Variants in ADAM2 observed in about 807,000 individuals in gnomAD.
ADAM2 encodes the protein ADAM metallopeptidase domain 2.
Under a neutral mutation model 99.3 loss-of-function variants are expected in ADAM2, and 101 were observed. The ratio of observed to expected loss-of-function variants is 1.02; its 90% CI spans 0.87 to 1.20. The LOEUF is 1.20. Among genes scored for constraint, ADAM2 ranks in the 50% most tolerant of loss-of-function variants. The pLI is 0.00. For synonymous variants in ADAM2, 323 were observed against 287.6 expected, an observed-to-expected ratio of 1.12 and a Z score of -1.25; for missense variants, 948 against 878.7, an observed-to-expected ratio of 1.08 and a Z score of -1.00.
intron 7 of ADAM2, among the ~76,000 whole-genome samples, chr8:39,795,325 A>C: frequency 6.6e-6 from 1 of 152,146 alleles, no homozygotes; most frequent in East Asian, 1.9e-4. Context: ...GACATGCCTC[A>C]GTATACCTCC....
intron 17 of ADAM2, 81 bp downstream of exon 17, chr8:39,749,586 C>CACGT: frequency 2.5e-6 from 3 of 1,214,826 alleles, no homozygotes; most frequent in East Asian, 2.5e-5. Context: ...TGTGTGTGTG[C>CACGT]GTGTGTGTGT....
chr8:39,794,308 T>C (rs1464165723), intron 7 of ADAM2, among the ~76,000 whole-genome samples: 1 of 152,202 alleles, frequency 6.6e-6, no homozygotes, highest in Admixed American at 6.6e-5. Context: ...TAAGTGTTTA[T>C]ATAAATGAAA....
At chr8:39,809,676 G>T (rs1195240405) in intron 6 of ADAM2, among the ~76,000 whole-genome samples, 3 of 151,516 alleles carry the variant, frequency 2.0e-5, no homozygotes, top group Admixed American at 6.6e-5. Context: ...ATTTACTTGG[G>T]AAACAACTTC....
chr8:39,762,166 C>T (rs1036117914), intron 14 of ADAM2, among the ~76,000 whole-genome samples: 3 of 152,218 alleles, frequency 2.0e-5, no homozygotes, highest in Non-Finnish European at 4.4e-5. Context: ...TTGATGGACT[C>T]GGTCAAAAAT....
chr8:39,835,502 GA>G (rs1244445824), intron 2 of ADAM2, among the ~76,000 whole-genome samples: 2 of 152,108 alleles, frequency 1.3e-5, no homozygotes, highest in Non-Finnish European at 2.9e-5. Flanking sequence ...GACCAACGGT[GA>G]AACCCCGTCT....
In ADAM2 at chr8:39,766,924, A is replaced by G. The variant is rs1563343576; in HGVS notation, c.1431T>C (p.Cys477=). The stretch of plus-strand genomic sequence containing the variant: ...CTATACAGATCCATTGATTCAGTCC[A>G]CACGGATGCCCAGTCTGAACATAGT... ...ENHYVQTGHP[C]GLNQWICIDG... is the part of the protein sequence containing the mutation. The change falls in exon 14 of 21, where the codon TGT becomes TGC. Residue 477 remains cysteine, a synonymous_variant. Transcript: ENST00000265708. 2.5e-6 allele frequency: 4 copies of G among 1,614,186 alleles called. No individual in the cohort carries two copies. Among genetic ancestry groups the G allele is most frequent in the East Asian group, 2.2e-5 (1 of 44,880 alleles).
chr8:39,750,533 T>G lies in ADAM2; in HGVS notation c.1798-789A>C, dbSNP rs189042535. On this transcript the variant is annotated intron_variant, in intron 16 of 20. Transcript: ENST00000265708. ...TAAAAGTAGGTTTTGGAAAAGAGAA[T>G]GGAAAGGGCAATAGCCTATAGATAC... 1.9e-4 allele frequency among the ~76,000 whole-genome samples: 29 copies of G among 152,190 alleles called. No individual in the cohort carries two copies. In the East Asian group the frequency reaches 5.6e-3, roughly 29 times the overall value.
At chr8:39,762,262 C>T (rs542476771) in intron 14 of ADAM2, among the ~76,000 whole-genome samples, 3 of 152,270 alleles carry the variant, frequency 2.0e-5, no homozygotes, top group South Asian at 4.2e-4. Context: ...ATCTCAGCTG[C>T]GACCCACAGA....
chr8:39,754,897 A>G lies in ADAM2; in HGVS notation c.1797+831T>C, dbSNP rs564818871. Among the ~76,000 whole-genome samples, 16 of 152,290 alleles carry G rather than the reference A, an allele frequency of 1.1e-4. No homozygotes were observed. In the East Asian group the frequency reaches 2.7e-3, roughly 26 times the overall value. On this transcript the variant is annotated intron_variant, in intron 16 of 20. Coordinates refer to ENST00000265708, the MANE Select transcript of ADAM2 (RefSeq NM_001464.5). ...TGCATAGGTACCATATTGAATGCAA[A>G]GTAAGAAAGATAGTTATGTAGACAG...
intron 1 of ADAM2, 140 bp from the exon 2 acceptor site, chr8:39,837,352 T>C (rs11786521): frequency 0.077 from 43,069 of 560,210 alleles, 1,993 homozygotes; most frequent in Non-Finnish European, 0.091. Context: ...TTTCTAAAAA[T>C]ACAAGGAGGT....
intron 7 of ADAM2, among the ~76,000 whole-genome samples, chr8:39,799,044 T>C (rs1391112348): frequency 6.6e-6 from 1 of 152,160 alleles, no homozygotes; most frequent in African/African-American, 2.4e-5. Context: ...TCTCCTTCAA[T>C]TCTTCTCTGA....
At chr8:39,825,458 A>G (rs1030676460) in intron 3 of ADAM2, among the ~76,000 whole-genome samples, 1 of 152,060 alleles carries the variant, frequency 6.6e-6, no homozygotes, top group Non-Finnish European at 1.5e-5. Flanking sequence ...ATACTAATGC[A>G]CCCCAAGCAT....
chr8:39,796,822 A>G lies in ADAM2; in HGVS notation c.571-8082T>C, dbSNP rs13279856. ...GTGGAGCTTTTTTTTCCATATGTTC[A>G]TTGGCCAGATAAATGTCTTCTTTTG... On this transcript the variant is annotated intron_variant, in intron 7 of 20. Transcript: ENST00000265708. Among the ~76,000 whole-genome samples, 974 of 152,008 alleles carry G rather than the reference A, an allele frequency of 6.4e-3. 7 individuals carry two copies. Among genetic ancestry groups the G allele is most frequent in the Non-Finnish European group, 0.012 (824 of 67,918 alleles).
chr8:39,762,186 G>T (rs1802397388), intron 14 of ADAM2, among the ~76,000 whole-genome samples: 1 of 152,170 alleles, frequency 6.6e-6, no homozygotes, highest in East Asian at 1.9e-4. Flanking sequence ...TCTTTGACAG[G>T]GAGACTTAAC....
rs367685818 is a variant in ADAM2 at position 39,824,883 on chromosome 8, T to C, written c.203A>G (p.His68Arg). 6 of 1,520,970 alleles carry C rather than the reference T, an allele frequency of 3.9e-6. No individual in the cohort carries two copies. Among genetic ancestry groups the C allele is most frequent in the African/African-American group, 2.8e-5 (2 of 72,468 alleles). 94.2% of individuals were successfully genotyped at this position (1,520,970 alleles called of 1,614,324 possible). The change falls in exon 4 of 21, where the codon CAT becomes CGT. Residue 68 changes from histidine (H) to arginine (R), a missense_variant. Transcript: ENST00000265708. Reference sequence around the variant, plus strand: ...ACTATAACTGTAAACTCTAAAATTATGGGGTAAAAAGTTTCTGTAACATAA... The same window carrying C: ...ACTATAACTGTAAACTCTAAAATTACGGGGTAAAAAGTTTCTGTAACATAA... ...VNLMQKNFLP[H>R]NFRVYSYSGT...
chr8:39,809,267 A>G (rs1804589916), intron 7 of ADAM2, 143 bp downstream of exon 7: 1 of 540,784 alleles, frequency 1.8e-6, no homozygotes, highest in South Asian at 2.8e-5. Flanking sequence ...TCAATTTACT[A>G]CTGATATTAA....
At position 39,776,880 on chromosome 8, in the gene ADAM2, TG is replaced by T. The variant is rs372524578; in HGVS notation, c.1028+144del. The T allele has an allele frequency of 1.3e-5, 7 of 557,092 alleles. No homozygotes were observed. The African/African-American group carries it at 1.4e-4, about 11-fold the overall frequency. 34.5% of individuals were successfully genotyped at this position (557,092 alleles called of 1,614,324 possible). ...GTGATATTGAGATAAATATGCATCG[TG>T]GGCATTGGAATACACATTTTGGTCC... On this transcript the variant is annotated intron_variant, in intron 11 of 20. Transcript: ENST00000265708.
In ADAM2 at chr8:39,802,724, G is replaced by C. The variant is rs1462778677; in HGVS notation, c.570+6686C>G. 2.0e-5 allele frequency among the ~76,000 whole-genome samples: 3 copies of C among 152,014 alleles called. No homozygotes were observed. The South Asian group carries it at 6.2e-4, about 32-fold the overall frequency. On this transcript the variant is annotated intron_variant, in intron 7 of 20. Coordinates refer to ENST00000265708, the MANE Select transcript of ADAM2 (RefSeq NM_001464.5). ...CTCAGAGAGTTCACCAAGGCACCTG[G>C]TGCTATAACCAGGGACTACCTAACT... is the stretch of plus-strand genomic sequence containing the variant.
intron 17 of ADAM2, 80 bp downstream of exon 17, chr8:39,749,587 G>GTGAT (rs1823633380): frequency 1.2e-4 from 53 of 447,108 alleles, no homozygotes; most frequent in Non-Finnish European, 1.5e-4. Context: ...GTGTGTGTGC[G>GTGAT]TGTGTGTGTG....
Sources: gnomAD v4.1 joint callset for allele counts (sites outside exome capture counted in the v4.1 genomes callset) on GRCh38, gnomAD v4.1.1 for gene constraint, MANE v1.5 for transcripts, NCBI Gene and HGNC (gene_info 2026-07-23, HGNC 2026-07-21) for gene names.